The following DROSHA variants were observed in gnomAD, a reference collection of about 807,000 sequenced individuals.
DROSHA encodes ribonuclease 3.
In DROSHA, 56 loss-of-function variants were observed where a neutral mutation model predicts 181.9. The ratio of observed to expected loss-of-function variants is 0.31; its 90% CI spans 0.25 to 0.38. The LOEUF (loss-of-function observed/expected upper bound fraction) is 0.38, where lower values mean the gene tolerates loss of function less well. Among genes scored for constraint, DROSHA ranks in the 10% least tolerant of loss-of-function variants. The probability of loss-of-function intolerance (pLI) is 1.00; values close to 1 mark genes in which losing one functional copy is unlikely to be tolerated. For synonymous variants in DROSHA, 524 were observed against 591.2 expected, an observed-to-expected ratio of 0.89 and a Z score of 1.65; for missense variants, 1,218 against 1,743.5, an observed-to-expected ratio of 0.70 and a Z score of 5.37.
intron 16 of DROSHA, 30 bp from the exon 17 acceptor site, chr5:31,472,262 G>A: frequency 3.2e-6 from 5 of 1,543,414 alleles, no homozygotes; most frequent in Middle Eastern, 1.7e-4. Context: ...GGAGAGAAGG[G>A]GAAAAATAAG....
intron 11 of DROSHA, among the ~76,000 whole-genome samples, chr5:31,500,474 G>T (rs370608034): frequency 4.6e-5 from 7 of 152,232 alleles, no homozygotes; most frequent in African/African-American, 1.4e-4. Context: ...GGCCCACGCT[G>T]AGCAAAGCTG....
At chr5:31,531,033 T>G in intron 2 of DROSHA, 109 bp from the exon 3 acceptor site, 1 of 391,572 alleles carries the variant, frequency 2.6e-6, no homozygotes, top group East Asian at 3.6e-5. Context: ...AAAGCAGGCC[T>G]TTTCACTGAG....
intron 10 of DROSHA, 59 bp downstream of exon 10, chr5:31,508,562 A>G (rs908454335): frequency 1.5e-5 from 24 of 1,608,324 alleles, no homozygotes; most frequent in Non-Finnish European, 2.0e-5. Context: ...CTGAGCCCAG[A>G]GCAATAACCG....
intron 29 of DROSHA, chr5:31,421,918 G>A (rs1428185378): frequency 3.7e-5 from 3 of 81,786 alleles, no homozygotes; most frequent in Non-Finnish European, 2.2e-5. Context: ...AAAATTAGCC[G>A]TGTGTGTGTG....
chr5:31,403,152 T>A (rs1338664420), intron 35 of DROSHA, among the ~76,000 whole-genome samples: 1 of 152,252 alleles, frequency 6.6e-6, no homozygotes, highest in Non-Finnish European at 1.5e-5. Flanking sequence ...ATTCCTGAAC[T>A]GATCAAATTG....
intron 11 of DROSHA, among the ~76,000 whole-genome samples, chr5:31,498,411 A>T (rs771568633): frequency 6.6e-6 from 1 of 152,204 alleles, no homozygotes; most frequent in Non-Finnish European, 1.5e-5. Flanking sequence ...CTGAAAAAAA[A>T]AGTGGGGAAA....
rs1748036799 is a variant in DROSHA, at chr5:31,459,050, AT to A, written c.2574+5185del. Among the ~76,000 whole-genome samples the A allele has an allele frequency of 1.3e-5, 2 of 152,354 alleles. 1 individual carries two copies. ...AACATCAACTAATCACAATGTATAG[AT>A]TTCACATGGATCCAAATTCAAACAG... On this transcript the variant is annotated intron_variant, in intron 20 of 35. Coordinates refer to ENST00000344624, the MANE Select transcript of DROSHA (RefSeq NM_001382508.1).
chr5:31,440,218 G>C (rs1745399907), intron 23 of DROSHA, among the ~76,000 whole-genome samples: 1 of 152,134 alleles, frequency 6.6e-6, no homozygotes, highest in Non-Finnish European at 1.5e-5. Context: ...GGAGCTGCCA[G>C]GGGTGCGGGC....
chr5:31,447,429 GC>G (rs1278252137), intron 23 of DROSHA, among the ~76,000 whole-genome samples: 2 of 152,142 alleles, frequency 1.3e-5, no homozygotes, highest in Admixed American at 1.3e-4. Flanking sequence ...TCAACATAAT[GC>G]CTATCAAAAT....
chr5:31,416,164 C>T (rs570003752), intron 30 of DROSHA, among the ~76,000 whole-genome samples: 2 of 152,306 alleles, frequency 1.3e-5, no homozygotes, highest in African/African-American at 2.4e-5. Context: ...TAGCTGTGTG[C>T]TCTTTAATCA....
chr5:31,442,251 T>C (rs957353002), intron 23 of DROSHA, among the ~76,000 whole-genome samples: 11 of 152,216 alleles, frequency 7.2e-5, no homozygotes, highest in Non-Finnish European at 1.2e-4. Context: ...ACATTATGAC[T>C]AAACTCTGGC....
Position 31,528,114 on chromosome 5 carries a change from G to C in DROSHA, c.20+926C>G, listed in dbSNP as rs527647437. Among the ~76,000 whole-genome samples, 5 of 152,118 alleles carry C rather than the reference G, an allele frequency of 3.3e-5. No individual in the cohort carries two copies. The South Asian group carries it at 1.0e-3, about 32-fold the overall frequency. On this transcript the variant is annotated intron_variant, in intron 4 of 35. Coordinates refer to ENST00000344624, the MANE Select transcript of DROSHA (RefSeq NM_001382508.1). ...TCCCATACCAGCTTCTTCTCTGCTA[G>C]GGGGCCTTTAACCGTCTGGTATTCC...
chr5:31,433,558 T>A (rs1023910697), intron 25 of DROSHA, among the ~76,000 whole-genome samples: 1 of 152,154 alleles, frequency 6.6e-6, no homozygotes, highest in Non-Finnish European at 1.5e-5. Flanking sequence ...CTTTTTTTTT[T>A]CTTTGAGAAG....
At chr5:31,500,961 G>C (rs1490974952) in intron 11 of DROSHA, among the ~76,000 whole-genome samples, 1 of 152,192 alleles carries the variant, frequency 6.6e-6, no homozygotes, top group East Asian at 1.9e-4. Flanking sequence ...CTGAAGGCAG[G>C]TGATTCCAAT....
chr5:31,431,001 A>G (rs1744106928), intron 26 of DROSHA, among the ~76,000 whole-genome samples: 4 of 152,184 alleles, frequency 2.6e-5, no homozygotes, highest in Admixed American at 2.6e-4. Context: ...TCCTGTACCA[A>G]TGGCTAATTG....
Position 31,454,046 on chromosome 5 carries a change from C to T in DROSHA, c.2575-2406G>A, listed in dbSNP as rs563245931. ...TAAATGACAAGGCACCCTCTTGAGT[C>T]CCTAAATAAGAGTGTATGAGGAGAA... On this transcript the variant is annotated intron_variant, in intron 20 of 35. Transcript: ENST00000344624. Among the ~76,000 whole-genome samples the T allele has an allele frequency of 2.6e-5, 4 of 152,036 alleles. No individual in the cohort carries two copies. The South Asian group carries it at 8.3e-4, about 31-fold the overall frequency.
intron 25 of DROSHA, among the ~76,000 whole-genome samples, chr5:31,433,712 T>C (rs1488100443): frequency 2.0e-5 from 3 of 151,892 alleles, no homozygotes; most frequent in African/African-American, 4.8e-5. Flanking sequence ...GCCTGGCTAA[T>C]TTTTTTGTAT....
intron 21 of DROSHA, among the ~76,000 whole-genome samples, chr5:31,450,593 C>A (rs1197563071): frequency 6.6e-6 from 1 of 152,166 alleles, no homozygotes; most frequent in African/African-American, 2.4e-5. Context: ...AAACCAAATA[C>A]CGCATATTCT....
At chr5:31,427,019 G>C (rs1400406673) in intron 27 of DROSHA, among the ~76,000 whole-genome samples, 3 of 152,166 alleles carry the variant, frequency 2.0e-5, no homozygotes, top group Non-Finnish European at 4.4e-5. Flanking sequence ...AAGGTTTCTG[G>C]TTTAGAAGAT....
Sources: allele counts gnomAD v4.1 joint callset (sites outside exome capture counted in the v4.1 genomes callset), GRCh38; gene constraint gnomAD v4.1.1; transcripts MANE v1.5; gene names NCBI Gene and HGNC (gene_info 2026-07-23, HGNC 2026-07-21).